CHL1: variants seen among roughly 807,000 people sequenced by gnomAD.
CHL1 encodes neural cell adhesion molecule L1-like protein.
CHL1 carries 96 observed loss-of-function variants against 141.9 expected under a neutral mutation model. The ratio of observed to expected loss-of-function variants is 0.68; its 90% CI spans 0.57 to 0.80. CHL1 has a LOEUF of 0.80. CHL1 is among the 30% of genes least tolerant of loss of function. The pLI is 0.00. For missense variants in CHL1, 1,820 were observed against 1,457.2 expected (o/e 1.25, Z -4.05); for synonymous variants, 613 against 502.2 (o/e 1.22, Z -2.95).
chr3:210,911 G>A (rs532986932), intron 1 of CHL1, among the ~76,000 whole-genome samples: 9 of 152,328 alleles, frequency 5.9e-5, no homozygotes, highest in Non-Finnish European at 8.8e-5. Flanking sequence ...TGTCTGGAGC[G>A]AGAATAAAAG....
intron 3 of CHL1, among the ~76,000 whole-genome samples, chr3:325,321 G>T (rs554288830): frequency 2.6e-5 from 4 of 151,966 alleles, no homozygotes; most frequent in Admixed American, 1.3e-4. Flanking sequence ...ATATTCTGTG[G>T]TGAAATGATA....
chr3:287,490 G>C (rs1697267812), intron 2 of CHL1, among the ~76,000 whole-genome samples: 1 of 152,166 alleles, frequency 6.6e-6, no homozygotes, highest in Non-Finnish European at 1.5e-5. Flanking sequence ...TTTTACAGTA[G>C]AGGTGCTTTG....
At chr3:391,516 C>CA (rs1204390604) in intron 22 of CHL1, among the ~76,000 whole-genome samples, 159 bp from the exon 23 acceptor site, 8 of 151,732 alleles carry the variant, frequency 5.3e-5, no homozygotes, top group Non-Finnish European at 8.8e-5. Flanking sequence ...GACTCTGTCT[C>CA]AAAAAAATAA....
chr3:218,848 T>C (rs1700556356), intron 1 of CHL1, among the ~76,000 whole-genome samples: 2 of 152,046 alleles, frequency 1.3e-5, no homozygotes, highest in Admixed American at 6.6e-5. Flanking sequence ...TGGTTATAAT[T>C]GAAAAGTCAA....
chr3:355,291 C>T (rs1017918191), intron 11 of CHL1, among the ~76,000 whole-genome samples: 4 of 152,136 alleles, frequency 2.6e-5, no homozygotes, highest in Non-Finnish European at 5.9e-5. Flanking sequence ...TGAACATGGT[C>T]CCATTACTGC....
rs576333393 is a variant in CHL1, at chr3:213,093, C to G, written c.-175+16030C>G. On this transcript the variant is annotated intron_variant, in intron 1 of 27. Coordinates refer to ENST00000256509, the MANE Select transcript of CHL1 (RefSeq NM_006614.4). ...TTTTAGGTAGATATTTGTGCCTGCC[C>G]CAGACTCTGGGCTTGAACCCTGCTC... The G allele has an allele frequency of 5.9e-5, 9 of 152,212 alleles. No homozygotes were observed. The South Asian group carries it at 1.5e-3, about 25-fold the overall frequency. The allele number at this position is 152,212 out of a possible 1,614,324, so 9.4% of individuals were successfully genotyped here.
intron 14 of CHL1, among the ~76,000 whole-genome samples, chr3:364,608 C>G (rs149417054): frequency 6.6e-6 from 1 of 151,782 alleles, no homozygotes; most frequent in South Asian, 2.1e-4. Flanking sequence ...AAAATATATA[C>G]GAATCGTATC....
At chr3:337,269 CA>C (rs1283860021) in intron 5 of CHL1, among the ~76,000 whole-genome samples, 2 of 144,864 alleles carry the variant, frequency 1.4e-5, no homozygotes, top group African/African-American at 5.1e-5. Flanking sequence ...CTGCTCACTG[CA>C]AGCTCCGCCT....
chr3:349,682 T>C, intron 10 of CHL1, 139 bp downstream of exon 10: 1 of 704,296 alleles, frequency 1.4e-6, no homozygotes, highest in Admixed American at 2.6e-5. Context: ...CATTGAATTA[T>C]ATTACACTTC....
chr3:222,542 A>G (rs538862725), intron 1 of CHL1, among the ~76,000 whole-genome samples: 4 of 152,320 alleles, frequency 2.6e-5, no homozygotes, highest in South Asian at 2.1e-4. Context: ...AATTCCTTTG[A>G]CGGACATTAC....
intron 2 of CHL1, among the ~76,000 whole-genome samples, chr3:268,551 GTAAAA>G (rs555522110): frequency 5.9e-5 from 9 of 151,476 alleles, no homozygotes; most frequent in Non-Finnish European, 8.8e-5. Flanking sequence ...ATAAAATAAA[GTAAAA>G]TAAAATAAAA....
At position 349,521 on chromosome 3, in the gene CHL1, C is replaced by A. The variant is rs751182684; in HGVS notation, c.1011C>A (p.His337Gln). Residue 337 changes from histidine (H) to glutamine (Q), a missense_variant, in exon 10 of 28, where the codon CAC becomes CAA. Transcript: ENST00000256509. ...TASNFLGTAT[H>Q]DFHVIVEEPP... ...GCAATTTCTTGGGAACAGCCACTCA[C>A]GATTTTCACGTTATAGTAGAAGGTA... is the stretch of plus-strand genomic sequence containing the variant. 20 of 1,613,416 alleles carry A rather than the reference C, an allele frequency of 1.2e-5. No individual in the cohort carries two copies. Among genetic ancestry groups the A allele is most frequent in the Non-Finnish European group, 1.7e-5 (20 of 1,179,770 alleles).
At chr3:392,443 T>A (rs1404632763) in intron 23 of CHL1, among the ~76,000 whole-genome samples, 1 of 152,252 alleles carries the variant, frequency 6.6e-6, no homozygotes, top group African/African-American at 2.4e-5. Flanking sequence ...TCTGCCCAGA[T>A]GCTGCTGTGC....
intron 2 of CHL1, among the ~76,000 whole-genome samples, chr3:300,194 G>A (rs1470313783): frequency 1.3e-5 from 2 of 152,198 alleles, no homozygotes; most frequent in African/African-American, 4.8e-5. Context: ...TGTGACCATT[G>A]AGGGGACCCA....
Position 405,595 on chromosome 3 carries a change from G to A in CHL1, c.3559G>A (p.Asp1187Asn), listed in dbSNP as rs750694026. ...CAGCTTAGTCGAATACGGAGAGGGA[G>A]ACCATGGTCTCTTCAGTGAAGATGG... ...ADSLVEYGEG[D>N]HGLFSEDGSF... Residue 1187 changes from aspartate (D) to asparagine (N), a missense_variant, in exon 28 of 28, where the codon GAC (aspartate) becomes AAC (asparagine). Physicochemically the swap from Asp to Asn is conservative, Grantham distance 23. Transcript: ENST00000256509. 6.2e-7 allele frequency: 1 copy of A among 1,613,464 alleles called. No homozygotes were observed. Among genetic ancestry groups the A allele is most frequent in the Non-Finnish European group, 8.5e-7 (1 of 1,179,510 alleles).
intron 2 of CHL1, among the ~76,000 whole-genome samples, chr3:296,621 C>A (rs779611445): frequency 6.6e-6 from 1 of 152,158 alleles, no homozygotes; most frequent in Non-Finnish European, 1.5e-5. Context: ...ATTTTGGACT[C>A]ATTGCAGCAG....
At position 273,622 on chromosome 3, in the gene CHL1, T is replaced by C. The variant is rs190085042; in HGVS notation, c.-95+28930T>C. 3.3e-5 allele frequency among the ~76,000 whole-genome samples: 5 copies of C among 152,320 alleles called. No individual in the cohort carries two copies. In the East Asian group the frequency reaches 9.6e-4, roughly 29 times the overall value. On this transcript the variant is annotated intron_variant, in intron 2 of 27. Transcript: ENST00000256509. Reference sequence around the variant, plus strand: ...CATTTTTTCTGTGCAAGGCCAAATGTAAATGTCACGAAATTATCAGAATCT... The same window carrying C: ...CATTTTTTCTGTGCAAGGCCAAATGCAAATGTCACGAAATTATCAGAATCT...
At chr3:363,598 G>C (rs1704508812) in intron 14 of CHL1, 3 of 421,878 alleles carry the variant, frequency 7.1e-6, no homozygotes, top group Non-Finnish European at 1.3e-5. Flanking sequence ...TATTTTAAGA[G>C]GCAGCCAGGT....
intron 1 of CHL1, among the ~76,000 whole-genome samples, chr3:222,799 G>A (rs900938927): frequency 6.6e-6 from 1 of 152,164 alleles, no homozygotes; most frequent in Middle Eastern, 3.4e-3. Flanking sequence ...CTCTTCTAAC[G>A]CATATTGATT....
Sources: allele counts gnomAD v4.1 joint callset (sites outside exome capture counted in the v4.1 genomes callset), GRCh38; gene constraint gnomAD v4.1.1; transcripts MANE v1.5; gene names NCBI Gene and HGNC (gene_info 2026-07-23, HGNC 2026-07-21).